The following DCAF5 variants were observed in gnomAD, a reference collection of about 807,000 sequenced individuals.
The protein encoded by DCAF5 is DDB1- and CUL4-associated factor 5.
Under a neutral mutation model 80.7 loss-of-function variants are expected in DCAF5, and 9 were observed. The ratio of observed to expected loss-of-function variants is 0.11; its 90% CI spans 0.07 to 0.19. The LOEUF is 0.19. DCAF5 is among the 10% of genes least tolerant of loss of function. DCAF5 has a pLI of 1.00. For synonymous variants in DCAF5, 433 were observed against 461.9 expected, an observed-to-expected ratio of 0.94 and a Z score of 0.80; for missense variants, 842 against 1,205.7, an observed-to-expected ratio of 0.70 and a Z score of 4.47.
rs548459684 is a variant in DCAF5, at chr14:69,105,245, A to C, written c.665+11121T>G. Reference sequence around the variant, plus strand: ...AGAAGATGGGACAATCCAAACGGCTATCATTAGATGAATGGATAAACAAAA... The same window carrying C: ...AGAAGATGGGACAATCCAAACGGCTCTCATTAGATGAATGGATAAACAAAA... On this transcript the variant is annotated intron_variant, in intron 5 of 8. Transcript: ENST00000341516. 2.6e-5 allele frequency among the ~76,000 whole-genome samples: 4 copies of C among 152,340 alleles called. No individual in the cohort carries two copies. The South Asian group carries it at 8.3e-4, about 32-fold the overall frequency.
At chr14:69,132,642 A>G (rs1389232669) in intron 1 of DCAF5, among the ~76,000 whole-genome samples, 1 of 152,224 alleles carries the variant, frequency 6.6e-6, no homozygotes, top group Non-Finnish European at 1.5e-5. Flanking sequence ...AAAAACATTA[A>G]GAGCACTAAG....
Position 69,075,501 on chromosome 14 carries a change from A to G in DCAF5, c.880-90T>C, listed in dbSNP as rs978786965. 149 of 791,920 alleles carry G rather than the reference A, an allele frequency of 1.9e-4. No individual in the cohort carries two copies. The African/African-American group carries it at 2.6e-3, about 14-fold the overall frequency. 49.1% of individuals were successfully genotyped at this position (791,920 alleles called of 1,614,324 possible). A position where few individuals can be genotyped will look rare whatever the true frequency, so the allele number is the denominator to read the frequency against. On this transcript the variant is annotated intron_variant, in intron 6 of 8. Transcript: ENST00000341516. ...ACAATAAACATATTAATTTTTTTTG[A>G]GATGGAGTCTTGCTCTGTTGTCCAG...
At chr14:69,116,034 A>G (rs907618834) in intron 5 of DCAF5, among the ~76,000 whole-genome samples, 1 of 151,758 alleles carries the variant, frequency 6.6e-6, no homozygotes, top group African/African-American at 2.4e-5. Flanking sequence ...CCCACCCCAC[A>G]CCAAGAGCTC....
chr14:69,095,929 C>G (rs1276645367), intron 5 of DCAF5, among the ~76,000 whole-genome samples: 1 of 152,164 alleles, frequency 6.6e-6, no homozygotes. Context: ...TCACAGACAT[C>G]AGAGCTGGTG....
At position 69,152,735 on chromosome 14, in the gene DCAF5, G is replaced by A. The variant is rs551597202; in HGVS notation, c.214+30C>T. On this transcript the variant is annotated intron_variant, in intron 1 of 8. Coordinates refer to ENST00000341516, the MANE Select transcript of DCAF5 (RefSeq NM_003861.3). This position sits in a 1 kb window ranked among gnomAD's most constrained non-coding sequence, Gnocchi z 4.1. Reference sequence around the variant, plus strand: ...GGGGGAGGCTGGGAGGGTGCGGGGAGGCGCGGGGAGGGGAAGGGGGTTGAT... The same window carrying A: ...GGGGGAGGCTGGGAGGGTGCGGGGAAGCGCGGGGAGGGGAAGGGGGTTGAT... 4.1e-5 allele frequency: 65 copies of A among 1,580,236 alleles called. 1 individual carries two copies. In the South Asian group the frequency reaches 6.9e-4, roughly 17 times the overall value.
chr14:69,122,502 G>A, intron 1 of DCAF5, 142 bp from the exon 2 acceptor site: 1 of 758,456 alleles, frequency 1.3e-6, no homozygotes. Flanking sequence ...AAAAACCCAG[G>A]ACTCTCCCTG....
intron 5 of DCAF5, among the ~76,000 whole-genome samples, chr14:69,110,325 A>G (rs1406455746): frequency 1.5e-5 from 2 of 137,352 alleles, no homozygotes; most frequent in African/African-American, 5.5e-5. Flanking sequence ...GCTAGAGTGC[A>G]GTGGTGCAAT....
At chr14:69,120,428 T>C (rs2040683434) in intron 2 of DCAF5, among the ~76,000 whole-genome samples, 1 of 152,154 alleles carries the variant, frequency 6.6e-6, no homozygotes, top group Non-Finnish European at 1.5e-5. Context: ...GCATGAAAAT[T>C]TGATGACTGT....
intron 1 of DCAF5, among the ~76,000 whole-genome samples, chr14:69,134,073 C>T (rs1193251956): frequency 6.6e-6 from 1 of 152,132 alleles, no homozygotes; most frequent in East Asian, 1.9e-4. Flanking sequence ...AGATGTAAGG[C>T]ACCTAAGAGT....
intron 1 of DCAF5, among the ~76,000 whole-genome samples, chr14:69,138,291 A>C (rs185213762): frequency 5.8e-4 from 88 of 152,308 alleles, no homozygotes; most frequent in Admixed American, 2.9e-3. Flanking sequence ...CTGGATTTGC[A>C]AAGAATTCCT....
chr14:69,153,130 G>C, upstream of DCAF5: 1 of 540,962 alleles, frequency 1.8e-6, no homozygotes, highest in Non-Finnish European at 2.9e-6. Flanking sequence ...GCAGACACTC[G>C]GCGGCGTTCG....
At chr14:69,084,581 C>T (rs772384748) in intron 6 of DCAF5, 189 of 790,428 alleles carry the variant, frequency 2.4e-4, no homozygotes, top group Middle Eastern at 3.8e-4. Flanking sequence ...TGGTCTTGAG[C>T]AGGGATATGT....
At chr14:69,126,498 TCTATGGATTCAATG>T (rs1023398344) in intron 1 of DCAF5, among the ~76,000 whole-genome samples, 3 of 152,132 alleles carry the variant, frequency 2.0e-5, no homozygotes, top group African/African-American at 7.2e-5. Context: ...CCCAACTTCA[TCTATGGATTCAATG>T]CAATCCCACT....
chr14:69,062,342 G>T (rs755476918), intron 8 of DCAF5, 42 bp downstream of exon 8: 16 of 1,601,874 alleles, frequency 1.0e-5, no homozygotes, highest in South Asian at 2.2e-5. Context: ...ATTATAAATT[G>T]TGAGAATTTC....
intron 1 of DCAF5, among the ~76,000 whole-genome samples, chr14:69,151,323 A>G (rs2041696440): frequency 6.6e-6 from 1 of 152,114 alleles, no homozygotes; most frequent in Non-Finnish European, 1.5e-5. Context: ...TCATAAAATG[A>G]TCACAGAAGA....
chr14:69,075,095 G>C (rs1594951243), intron 7 of DCAF5, among the ~76,000 whole-genome samples: 1 of 151,938 alleles, frequency 6.6e-6, no homozygotes. Context: ...ACATAAAGGA[G>C]TTCTATGAAG....
At chr14:69,079,717 C>T (rs2039029562) in intron 6 of DCAF5, among the ~76,000 whole-genome samples, 1 of 151,982 alleles carries the variant, frequency 6.6e-6, no homozygotes, top group Admixed American at 6.6e-5. Context: ...GAAGGGAAGG[C>T]AGAGTTGATC....
At chr14:69,132,428 A>C (rs2041068812) in intron 1 of DCAF5, among the ~76,000 whole-genome samples, 1 of 152,210 alleles carries the variant, frequency 6.6e-6, no homozygotes, top group South Asian at 2.1e-4. Context: ...AGAGCGCATC[A>C]TTCTACAAAC....
At chr14:69,109,698 GTTTA>G (rs1050985820) in intron 5 of DCAF5, among the ~76,000 whole-genome samples, 3 of 152,292 alleles carry the variant, frequency 2.0e-5, no homozygotes, top group South Asian at 4.1e-4. Flanking sequence ...CTATTCCACA[GTTTA>G]TTTATCCATT....
Sources: allele counts gnomAD v4.1 joint callset (sites outside exome capture counted in the v4.1 genomes callset), GRCh38; gene constraint gnomAD v4.1.1; non-coding constraint Gnocchi (gnomAD v3.1); transcripts MANE v1.5; gene names NCBI Gene and HGNC (gene_info 2026-07-23, HGNC 2026-07-21).